PPP2R2B: variants seen among roughly 807,000 people sequenced by gnomAD.
PPP2R2B encodes serine/threonine-protein phosphatase 2A 55 kDa regulatory subunit B beta isoform.
PPP2R2B carries 5 observed loss-of-function variants against 46.0 expected under a neutral mutation model. That is an observed-to-expected ratio of 0.11 (90% confidence interval 0.06 to 0.23). PPP2R2B has a LOEUF of 0.23. Ranked by LOEUF, PPP2R2B falls within the 10% of genes least tolerant of loss-of-function variation. The probability of loss-of-function intolerance (pLI) is 1.00; values close to 1 mark genes in which losing one functional copy is unlikely to be tolerated. For synonymous variants in PPP2R2B, 215 were observed against 206.7 expected, an observed-to-expected ratio of 1.04 and a Z score of -0.34; for missense variants, 367 against 575.0, an observed-to-expected ratio of 0.64 and a Z score of 3.70.
chr5:146,673,668 A>G (rs1777518207), intron 5 of PPP2R2B, among the ~76,000 whole-genome samples: 2 of 152,170 alleles, frequency 1.3e-5, no homozygotes, highest in African/African-American at 2.4e-5. Flanking sequence ...TTTCCAGACA[A>G]CTGTACCTGC....
intron 2 of PPP2R2B, among the ~76,000 whole-genome samples, chr5:146,802,197 C>T (rs964451339): frequency 1.3e-5 from 2 of 152,146 alleles, no homozygotes; most frequent in African/African-American, 4.8e-5. Flanking sequence ...CCCCTTTTCT[C>T]GCATCCAGAG....
chr5:146,694,200 C>T (rs954652885), intron 4 of PPP2R2B, among the ~76,000 whole-genome samples: 6 of 152,172 alleles, frequency 3.9e-5, no homozygotes, highest in Non-Finnish European at 7.3e-5. Context: ...TTGGGCTGCT[C>T]GTGTCTGACA....
At chr5:147,033,386 A>T (rs984536947) in intron 1 of PPP2R2B, among the ~76,000 whole-genome samples, 1 of 152,184 alleles carries the variant, frequency 6.6e-6, no homozygotes, top group African/African-American at 2.4e-5. Context: ...AACTTCTCCC[A>T]TTAGAACATA....
chr5:146,796,801 G>C (rs1290057642), intron 2 of PPP2R2B, among the ~76,000 whole-genome samples: 1 of 152,152 alleles, frequency 6.6e-6, no homozygotes, highest in Non-Finnish European at 1.5e-5. Flanking sequence ...GGAAGCACAT[G>C]TTTTTTCTTA....
chr5:146,692,662 T>C (rs1321650551), intron 4 of PPP2R2B, among the ~76,000 whole-genome samples: 1 of 151,112 alleles, frequency 6.6e-6, no homozygotes, highest in Non-Finnish European at 1.5e-5. Flanking sequence ...GCCTCCTGAG[T>C]AGGTGGGACT....
intron 1 of PPP2R2B, among the ~76,000 whole-genome samples, chr5:146,998,698 T>G (rs1459758259): frequency 1.3e-5 from 2 of 152,160 alleles, no homozygotes; most frequent in African/African-American, 4.8e-5. Flanking sequence ...TTTTGAACTA[T>G]TTTTGTTTTA....
rs935147941 is a variant in PPP2R2B at position 147,006,697 on chromosome 5, G to A, written c.79+48968C>T. On this transcript the variant is annotated intron_variant, in intron 1 of 8. Transcript: ENST00000336640. ...ACAATCCCAAATAGACTCTTTGGCAGCAGTGATTCTCCAAAACCACCGAGG... is the reference window on the plus strand; with the variant it reads ...ACAATCCCAAATAGACTCTTTGGCAACAGTGATTCTCCAAAACCACCGAGG... Among the ~76,000 whole-genome samples, 80 of 152,214 alleles carry A rather than the reference G, an allele frequency of 5.3e-4. 1 individual carries two copies. Among genetic ancestry groups the A allele is most frequent in the African/African-American group, 1.8e-3 (76 of 41,542 alleles).
chr5:146,966,054 A>G (rs1009176733), intron 1 of PPP2R2B, among the ~76,000 whole-genome samples: 4 of 152,222 alleles, frequency 2.6e-5, no homozygotes, highest in African/African-American at 9.6e-5. Flanking sequence ...TTCAGACATA[A>G]AATGCAAGGA....
chr5:146,700,233 C>G (rs1430000677), intron 3 of PPP2R2B, among the ~76,000 whole-genome samples: 1 of 152,090 alleles, frequency 6.6e-6, no homozygotes, highest in Non-Finnish European at 1.5e-5. Context: ...CCCGGTGAAT[C>G]TCAGAGGCAG....
intron 1 of PPP2R2B, among the ~76,000 whole-genome samples, chr5:146,934,037 T>C (rs1347208487): frequency 6.6e-6 from 1 of 152,140 alleles, no homozygotes; most frequent in African/African-American, 2.4e-5. Flanking sequence ...CTGCATAGTA[T>C]TCCATGGTGT....
chr5:146,854,902 C>A (rs1760560812), intron 2 of PPP2R2B, among the ~76,000 whole-genome samples: 1 of 152,146 alleles, frequency 6.6e-6, no homozygotes, highest in Admixed American at 6.5e-5. Flanking sequence ...AACTGTCTCT[C>A]GCAGTTTTTA....
At chr5:146,873,429 T>C (rs553749585) in intron 2 of PPP2R2B, among the ~76,000 whole-genome samples, 7 of 152,230 alleles carry the variant, frequency 4.6e-5, no homozygotes, top group Non-Finnish European at 1.0e-4. Context: ...TTTTCCTTAA[T>C]GGCTTTCCAT....
intron 2 of PPP2R2B, among the ~76,000 whole-genome samples, chr5:146,799,460 A>G (rs1283712730): frequency 1.3e-5 from 2 of 152,152 alleles, no homozygotes; most frequent in African/African-American, 4.8e-5. Context: ...TGCACACCCA[A>G]AATATACAGT....
intron 7 of PPP2R2B, among the ~76,000 whole-genome samples, chr5:146,634,482 G>T (rs1223492883): frequency 6.6e-6 from 1 of 152,060 alleles, no homozygotes; most frequent in Non-Finnish European, 1.5e-5. Flanking sequence ...CTACAGGTGT[G>T]TGTCACCACA....
intron 5 of PPP2R2B, among the ~76,000 whole-genome samples, chr5:146,659,208 C>A (rs1442796020): frequency 1.3e-5 from 2 of 152,056 alleles, no homozygotes; most frequent in Non-Finnish European, 2.9e-5. Flanking sequence ...CTGGATGCAA[C>A]CAAAAGATGA....
At chr5:146,677,517 ATCCCTCCCTCCCTCCC>A (rs138577271) in intron 5 of PPP2R2B, among the ~76,000 whole-genome samples, 11 of 125,334 alleles carry the variant, frequency 8.8e-5, no homozygotes, top group East Asian at 2.7e-4. Context: ...TAAAAAACTC[ATCCCTCCCTCCCTCCC>A]TCCCTCCCTC....
At chr5:147,047,742 T>G (rs1254776747) in intron 1 of PPP2R2B, among the ~76,000 whole-genome samples, 1 of 152,136 alleles carries the variant, frequency 6.6e-6, no homozygotes, top group African/African-American at 2.4e-5. Context: ...TAAAGCAAAT[T>G]CACAGCTACC....
chr5:146,732,456 G>A (rs1028710050), intron 2 of PPP2R2B, among the ~76,000 whole-genome samples: 4 of 152,146 alleles, frequency 2.6e-5, no homozygotes, highest in African/African-American at 7.2e-5. Context: ...GGCATGATTT[G>A]GAATTTCCAC....
chr5:146,812,559 GTATATATATATATA>G (rs756797458), intron 2 of PPP2R2B, among the ~76,000 whole-genome samples: 8 of 1,834 alleles, frequency 4.4e-3, no homozygotes, highest in Admixed American at 7.4e-3. Context: ...CCTCAGAAGA[GTATATATATATATA>G]TATATATATA....
Sources: gnomAD v4.1 joint callset for allele counts (sites outside exome capture counted in the v4.1 genomes callset) on GRCh38, gnomAD v4.1.1 for gene constraint, MANE v1.5 for transcripts, NCBI Gene and HGNC (gene_info 2026-07-23, HGNC 2026-07-21) for gene names.